ESR1: variants seen among roughly 807,000 people sequenced by gnomAD.
The protein encoded by ESR1 is estrogen receptor 1, also known as estrogen receptor.
Under a neutral mutation model 52.7 loss-of-function variants are expected in ESR1, and 12 were observed. The observed-to-expected ratio is 0.23, with a 90% CI of 0.15 to 0.37. The LOEUF is 0.37. ESR1 is among the 10% of genes least tolerant of loss of function. The pLI is 1.00. For synonymous variants in ESR1, 305 were observed against 316.8 expected (o/e 0.96, Z 0.39); for missense variants, 584 against 779.7 (o/e 0.75, Z 2.99).
chr6:152,113,724 C>T (rs534181066), intron 6 of ESR1, among the ~76,000 whole-genome samples: 34 of 152,102 alleles, frequency 2.2e-4, no homozygotes, highest in Non-Finnish European at 4.4e-4. Flanking sequence ...ATTTCCAAAA[C>T]CAAACTAGAG....
At chr6:151,930,468 A>G (rs1225018294) in intron 3 of ESR1, among the ~76,000 whole-genome samples, 3 of 152,122 alleles carry the variant, frequency 2.0e-5, no homozygotes, top group Non-Finnish European at 4.4e-5. Context: ...CATTTATTTC[A>G]TTTCACTTAC....
At chr6:151,959,910 TTAAA>T (rs1195061309) in intron 4 of ESR1, among the ~76,000 whole-genome samples, 1 of 152,208 alleles carries the variant, frequency 6.6e-6, no homozygotes, top group African/African-American at 2.4e-5. Context: ...TCACCAAACA[TTAAA>T]TAATATGTTT....
chr6:151,860,097 A>G (rs1372899900), intron 2 of ESR1, among the ~76,000 whole-genome samples: 2 of 152,052 alleles, frequency 1.3e-5, no homozygotes, highest in Admixed American at 1.3e-4. Flanking sequence ...ATCCACTTTT[A>G]CCTCTTCTTT....
intron 3 of ESR1, among the ~76,000 whole-genome samples, chr6:151,902,964 C>T (rs1471633814): frequency 1.3e-5 from 2 of 152,138 alleles, no homozygotes; most frequent in African/African-American, 4.8e-5. Context: ...CCTGAGGAAC[C>T]TACAAGTTAG....
At chr6:151,804,135 G>A (rs868081768), upstream of ESR1, among the ~76,000 whole-genome samples, 15 of 152,172 alleles carry the variant, frequency 9.9e-5, no homozygotes, top group African/African-American at 1.4e-4. Flanking sequence ...GAAAGTCGGC[G>A]TAGCACAGTA....
chr6:152,122,760 C>G, intron 6 of ESR1: 1 of 1,598,904 alleles, frequency 6.3e-7, no homozygotes, highest in South Asian at 1.1e-5. Context: ...TTCCTGGAAG[C>G]TAAAGGGCCA....
chr6:151,896,835 C>T (rs1214667565), intron 3 of ESR1, among the ~76,000 whole-genome samples: 1 of 152,076 alleles, frequency 6.6e-6, no homozygotes, highest in Non-Finnish European at 1.5e-5. Context: ...GAACTTTCCT[C>T]TTCGCATTGC....
intron 6 of ESR1, among the ~76,000 whole-genome samples, chr6:152,065,593 A>G (rs911075950): frequency 2.6e-5 from 4 of 152,328 alleles, no homozygotes; most frequent in African/African-American, 7.2e-5. Flanking sequence ...GAAGAGCCTC[A>G]TGCACCTCCC....
At chr6:151,976,913 T>A (rs1289104502) in intron 4 of ESR1, among the ~76,000 whole-genome samples, 3 of 152,026 alleles carry the variant, frequency 2.0e-5, no homozygotes, top group African/African-American at 7.2e-5. Flanking sequence ...AAAAAATAAA[T>A]CTACCACTAA....
chr6:151,806,885 T>C (rs1777967718), upstream of ESR1, among the ~76,000 whole-genome samples: 1 of 152,136 alleles, frequency 6.6e-6, no homozygotes, highest in Admixed American at 6.5e-5. Context: ...TGAACACCCA[T>C]GTGCGCCCTA....
chr6:152,042,096 C>A (rs1246378159), intron 5 of ESR1, among the ~76,000 whole-genome samples: 4 of 152,168 alleles, frequency 2.6e-5, no homozygotes, highest in Non-Finnish European at 5.9e-5. Flanking sequence ...GTGGCACTAA[C>A]TTCCTCCAGG....
At chr6:151,793,585 A>T (rs1310374740) in intron 2 of ESR1, among the ~76,000 whole-genome samples, 1 of 152,256 alleles carries the variant, frequency 6.6e-6, no homozygotes, top group East Asian at 1.9e-4. Context: ...TTACACCAGC[A>T]TCACCACACA....
intron 2 of ESR1, among the ~76,000 whole-genome samples, chr6:151,797,170 A>G (rs1776790461): frequency 6.6e-6 from 1 of 152,166 alleles, no homozygotes; most frequent in African/African-American, 2.4e-5. Flanking sequence ...ACCGGGTCTC[A>G]TGGGCAGAGG....
chr6:151,930,197 G>T (rs991543915), intron 3 of ESR1, among the ~76,000 whole-genome samples: 1 of 151,934 alleles, frequency 6.6e-6, no homozygotes, highest in African/African-American at 2.4e-5. Context: ...TGGTCAGGCT[G>T]GGGTCTTAAA....
intron 5 of ESR1, among the ~76,000 whole-genome samples, chr6:152,027,759 A>G (rs184105027): frequency 1.1e-4 from 17 of 152,336 alleles, no homozygotes; most frequent in African/African-American, 4.1e-4. Flanking sequence ...TGCATTGAAC[A>G]TTTTAGGTCC....
At chr6:151,689,514 C>T (rs1314612754), upstream of ESR1, among the ~76,000 whole-genome samples, 1 of 152,206 alleles carries the variant, frequency 6.6e-6, no homozygotes, top group Non-Finnish European at 1.5e-5. Context: ...TATGGGCTAA[C>T]TGATAAGTAT....
At chr6:151,867,748 T>C (rs1362491757) in intron 2 of ESR1, among the ~76,000 whole-genome samples, 1 of 152,198 alleles carries the variant, frequency 6.6e-6, no homozygotes, top group Non-Finnish European at 1.5e-5. Flanking sequence ...TGGCGATTCC[T>C]CAAGGACCTA....
chr6:151,949,793 A>C (rs1175797076), intron 4 of ESR1, among the ~76,000 whole-genome samples: 1 of 152,232 alleles, frequency 6.6e-6, no homozygotes, highest in Non-Finnish European at 1.5e-5. Context: ...TTGAAGCCTC[A>C]TAGATGCTTA....
intron 1 of ESR1, among the ~76,000 whole-genome samples, chr6:151,684,239 G>A (rs1240869284): frequency 6.6e-6 from 1 of 152,062 alleles, no homozygotes; most frequent in Non-Finnish European, 1.5e-5. Context: ...CTGAGGAAGT[G>A]GTGGGATCAC....
Sources: allele counts gnomAD v4.1 joint callset (sites outside exome capture counted in the v4.1 genomes callset), GRCh38; gene constraint gnomAD v4.1.1; transcripts MANE v1.5; gene names NCBI Gene and HGNC (gene_info 2026-07-23, HGNC 2026-07-21).